Variants in KDM1A observed in about 807,000 individuals in gnomAD.
KDM1A encodes the protein lysine-specific histone demethylase 1A.
Under a neutral mutation model 109.4 loss-of-function variants are expected in KDM1A, and 49 were observed. The observed-to-expected ratio is 0.45, with a 90% CI of 0.36 to 0.57. The LOEUF is 0.57. Among genes scored for constraint, KDM1A ranks in the 20% least tolerant of loss-of-function variants. KDM1A has a pLI of 0.00. For missense variants in KDM1A, 668 were observed against 1,116.6 expected (o/e 0.60, Z 5.73); for synonymous variants, 380 against 415.4 (o/e 0.91, Z 1.04).
At chr1:23,068,458 A>T in intron 10 of KDM1A, 81 bp from the exon 11 acceptor site, 1 of 1,191,516 alleles carries the variant, frequency 8.4e-7, no homozygotes, top group Non-Finnish European at 1.1e-6. Flanking sequence ...TGACCTTTAT[A>T]AACTATAGAG....
chr1:23,048,809 C>CT (rs1487269232), intron 3 of KDM1A, among the ~76,000 whole-genome samples: 1 of 151,970 alleles, frequency 6.6e-6, no homozygotes, highest in Non-Finnish European at 1.5e-5. Flanking sequence ...ATTAGTTTTG[C>CT]TTCCATTATC....
intron 13 of KDM1A, 92 bp from the exon 14 acceptor site, chr1:23,072,032 A>G (rs1218380311): frequency 9.2e-6 from 7 of 761,882 alleles, no homozygotes; most frequent in Admixed American, 7.0e-5. Flanking sequence ...CTGAAGAGGA[A>G]ATATGATCCA....
chr1:23,040,021 T>G (rs2124412602), intron 2 of KDM1A, among the ~76,000 whole-genome samples: 1 of 152,384 alleles, frequency 6.6e-6, no homozygotes, highest in South Asian at 2.1e-4. Flanking sequence ...GAAATGTTTC[T>G]TTCACCTGCT....
rs190731691 is a variant in KDM1A at position 23,063,242 on chromosome 1, G to A, written c.1168-2818G>A. On this transcript the variant is annotated intron_variant, in intron 9 of 20. Transcript: ENST00000400181. ...GGTGGGTGTGTGTGGGTGTGTGTGT[G>A]TGTGTGTGTGTGTACCAGCTGAGAT... Among the ~76,000 whole-genome samples the A allele has an allele frequency of 3.3e-4, 47 of 141,368 alleles. 1 individual carries two copies. The highest frequency in any genetic ancestry group is 1.2e-3 in the African/African-American group (45 of 38,350). The allele number at this position is 141,368 out of a possible 152,430, so 92.7% of individuals were successfully genotyped here.
intron 2 of KDM1A, among the ~76,000 whole-genome samples, chr1:23,042,451 T>TTTA (rs1642371399): frequency 9.7e-6 from 1 of 102,814 alleles, no homozygotes; most frequent in Admixed American, 9.7e-5. Context: ...TTTTTTTTTT[T>TTTA]TTTTTTTTTT....
intron 13 of KDM1A, 62 bp from the exon 14 acceptor site, chr1:23,072,062 C>G: frequency 1.0e-6 from 1 of 1,000,016 alleles, no homozygotes; most frequent in African/African-American, 1.6e-5. Context: ...CTTTGTGGTA[C>G]AAAGAAACTA....
At chr1:23,054,504 T>G (rs1474784523) in intron 5 of KDM1A, among the ~76,000 whole-genome samples, 1 of 152,206 alleles carries the variant, frequency 6.6e-6, no homozygotes, top group Non-Finnish European at 1.5e-5. Context: ...GAGTGAGTGA[T>G]TGACAGTGTC....
At chr1:23,069,394 T>C (rs1643253582) in intron 12 of KDM1A, among the ~76,000 whole-genome samples, 1 of 152,202 alleles carries the variant, frequency 6.6e-6, no homozygotes, top group Non-Finnish European at 1.5e-5. Context: ...CTGGTTCCCT[T>C]TGGCTCAGGG....
chr1:23,030,116 AT>A (rs913980142), intron 1 of KDM1A, among the ~76,000 whole-genome samples: 21 of 152,166 alleles, frequency 1.4e-4, no homozygotes, highest in African/African-American at 5.1e-4. Flanking sequence ...AGTTAACTAT[AT>A]TTTTGTCTGA....
intron 3 of KDM1A, 92 bp downstream of exon 3, chr1:23,044,578 T>C: frequency 1.8e-6 from 2 of 1,094,404 alleles, no homozygotes; most frequent in Non-Finnish European, 2.6e-6. Context: ...GGTATCCACA[T>C]TTTAGCCAGA....
At chr1:23,055,445 T>G in intron 6 of KDM1A, 1 of 199,506 alleles carries the variant, frequency 5.0e-6, no homozygotes, top group African/African-American at 2.3e-5. Context: ...CAGTACAATT[T>G]GTTAAAAATG....
At chr1:23,078,066 T>C (rs1643516689) in intron 16 of KDM1A, among the ~76,000 whole-genome samples, 1 of 152,242 alleles carries the variant, frequency 6.6e-6, no homozygotes, top group Admixed American at 6.5e-5. Context: ...AACCCATGTA[T>C]GACTATGTAG....
At chr1:23,055,907 C>A (rs781561470) in intron 6 of KDM1A, 25 bp from the exon 7 acceptor site, 33 of 1,512,194 alleles carry the variant, frequency 2.2e-5, no homozygotes, top group Non-Finnish European at 2.5e-5. Flanking sequence ...AAAACAAAAT[C>A]TTTTTTTTCA....
intron 7 of KDM1A, among the ~76,000 whole-genome samples, chr1:23,056,887 C>G (rs1347672640): frequency 6.6e-6 from 1 of 151,546 alleles, no homozygotes; most frequent in Non-Finnish European, 1.5e-5. Context: ...CTCAGCCATA[C>G]TTGAAAATCC....
intron 6 of KDM1A, 80 bp downstream of exon 6, chr1:23,055,241 G>A (rs566400335): frequency 1.2e-5 from 8 of 675,656 alleles, no homozygotes; most frequent in Admixed American, 2.8e-5. Context: ...CTATGATGAC[G>A]TTAGGATTTT....
At chr1:23,071,510 T>A in intron 13 of KDM1A, 151 bp downstream of exon 13, 1 of 662,724 alleles carries the variant, frequency 1.5e-6, no homozygotes, top group Non-Finnish European at 2.5e-6. Context: ...CATGGGGATT[T>A]AATGGGTTAG....
intron 1 of KDM1A, among the ~76,000 whole-genome samples, chr1:23,026,903 G>T (rs1280264356): frequency 1.3e-5 from 2 of 152,106 alleles, no homozygotes; most frequent in Non-Finnish European, 2.9e-5. Flanking sequence ...AGTCTTTGGG[G>T]TTTTTACTTA....
chr1:23,022,471 G>A (rs984109156), intron 1 of KDM1A, among the ~76,000 whole-genome samples: 1 of 151,666 alleles, frequency 6.6e-6, no homozygotes, highest in Non-Finnish European at 1.5e-5. Flanking sequence ...GAGTAGCTGG[G>A]ATTATAGGCA....
At chr1:23,054,329 G>A (rs540338527) in intron 5 of KDM1A, among the ~76,000 whole-genome samples, 3 of 152,164 alleles carry the variant, frequency 2.0e-5, no homozygotes, top group Admixed American at 6.5e-5. Context: ...AGGCTAAGGT[G>A]GGAGGATTTC....
Sources: gnomAD v4.1 joint callset for allele counts (sites outside exome capture counted in the v4.1 genomes callset) on GRCh38, gnomAD v4.1.1 for gene constraint, MANE v1.5 for transcripts, NCBI Gene and HGNC (gene_info 2026-07-23, HGNC 2026-07-21) for gene names.